The following ZFPM2 variants were observed in gnomAD, a reference collection of about 807,000 sequenced individuals.
ZFPM2 encodes the protein zinc finger protein, FOG family member 2, also known as zinc finger protein ZFPM2.
A neutral mutation model predicts 98.6 loss-of-function variants in ZFPM2; 20 were observed. The ratio of observed to expected loss-of-function variants is 0.20; its 90% confidence interval spans 0.14 to 0.29. ZFPM2 has a LOEUF of 0.29. Among genes scored for constraint, ZFPM2 ranks in the 10% least tolerant of loss-of-function variants. The pLI is 1.00. For synonymous variants in ZFPM2, 518 were observed against 502.7 expected (o/e 1.03, Z -0.41); for missense variants, 1,310 against 1,388.6 (o/e 0.94, Z 0.90).
chr8:105,486,673 G>A (rs372619180), intron 3 of ZFPM2, among the ~76,000 whole-genome samples: 1 of 152,108 alleles, frequency 6.6e-6, no homozygotes, highest in East Asian at 1.9e-4. Flanking sequence ...AATTGGGTAG[G>A]TACCTAGCAA....
chr8:105,573,279 A>G (rs998235268), intron 4 of ZFPM2, among the ~76,000 whole-genome samples: 2 of 152,198 alleles, frequency 1.3e-5, no homozygotes, highest in Non-Finnish European at 2.9e-5. Context: ...TGGGAGTGGC[A>G]TCCTATCACT....
intron 3 of ZFPM2, among the ~76,000 whole-genome samples, chr8:105,560,206 T>C (rs1431305241): frequency 3.6e-5 from 5 of 139,888 alleles, no homozygotes; most frequent in African/African-American, 1.4e-4. Flanking sequence ...ATATAAGTAC[T>C]GAATATATTC....
Position 105,802,948 on chromosome 8 carries a change from G to C in ZFPM2, c.2866G>C (p.Glu956Gln). 1.2e-6 allele frequency: 2 copies of C among 1,612,906 alleles called. No individual in the cohort carries two copies. Among genetic ancestry groups the C allele is most frequent in the East Asian group, 4.5e-5 (2 of 44,814 alleles). ...SEAAQLIATK[E>Q]ENRHLFLPQC... is the part of the protein sequence containing the mutation. ...AGCTGCTCAGCTCATTGCTACAAAAGAAGAAAACAGACATTTGTTTCTTCC... is the reference window on the plus strand; with the variant it reads ...AGCTGCTCAGCTCATTGCTACAAAACAAGAAAACAGACATTTGTTTCTTCC... The change falls in exon 8 of 8, where the codon GAA becomes CAA. Residue 956 changes from glutamate to glutamine, a missense_variant. Coordinates refer to ENST00000407775, the MANE Select transcript of ZFPM2 (RefSeq NM_012082.4).
rs528681111 is a variant in ZFPM2 at position 105,444,004 on chromosome 8, T to C, written c.200-276T>C. On this transcript the variant is annotated intron_variant, in intron 2 of 7. Coordinates refer to ENST00000407775, the MANE Select transcript of ZFPM2 (RefSeq NM_012082.4). ...ATAAACTGCAATTTCATTTTCTTCT[T>C]ATATATATTAATAACTCCAAAGGAA... 5.9e-5 allele frequency among the ~76,000 whole-genome samples: 9 copies of C among 152,290 alleles called. No homozygotes were observed. The South Asian group carries it at 1.9e-3, about 32-fold the overall frequency.
At chr8:105,446,340 T>C (rs1024858114) in intron 3 of ZFPM2, among the ~76,000 whole-genome samples, 9 of 152,184 alleles carry the variant, frequency 5.9e-5, no homozygotes, top group East Asian at 5.8e-4. Context: ...TGGCTTACTC[T>C]TATGATGGGG....
At chr8:105,717,779 A>G (rs1811559562) in intron 5 of ZFPM2, among the ~76,000 whole-genome samples, 2 of 151,902 alleles carry the variant, frequency 1.3e-5, no homozygotes, top group South Asian at 2.1e-4. Context: ...GCTGTAGCAC[A>G]CTATGTTTTC....
intron 4 of ZFPM2, among the ~76,000 whole-genome samples, chr8:105,632,790 A>G (rs779944885): frequency 6.6e-6 from 1 of 152,212 alleles, no homozygotes; most frequent in South Asian, 2.1e-4. Flanking sequence ...CATAGTTGAA[A>G]AATTAAGACT....
chr8:105,575,170 C>T (rs1251449883), intron 4 of ZFPM2, among the ~76,000 whole-genome samples: 9 of 152,064 alleles, frequency 5.9e-5, no homozygotes, highest in Non-Finnish European at 1.2e-4. Context: ...AGGAAGAGTG[C>T]GTGATGAAAG....
chr8:105,645,904 T>A (rs1395223175), intron 5 of ZFPM2, among the ~76,000 whole-genome samples: 1 of 151,546 alleles, frequency 6.6e-6, no homozygotes, highest in African/African-American at 2.4e-5. Context: ...ATAAAAAAAA[T>A]TAACTGGGCA....
chr8:105,608,744 A>G (rs919467365), intron 4 of ZFPM2, among the ~76,000 whole-genome samples: 15 of 152,106 alleles, frequency 9.9e-5, no homozygotes, highest in Admixed American at 7.9e-4. Flanking sequence ...AAATATCCTT[A>G]AAGGAACGCA....
At chr8:105,415,240 T>C (rs535003899) in intron 1 of ZFPM2, among the ~76,000 whole-genome samples, 3 of 152,236 alleles carry the variant, frequency 2.0e-5, no homozygotes, top group African/African-American at 7.2e-5. Context: ...AACAGTGTTA[T>C]GGGCCTAACA....
At chr8:105,572,421 T>C (rs1383043247) in intron 4 of ZFPM2, among the ~76,000 whole-genome samples, 2 of 152,198 alleles carry the variant, frequency 1.3e-5, no homozygotes, top group Non-Finnish European at 2.9e-5. Context: ...AGAAACTCTC[T>C]TGGAGATTAA....
intron 1 of ZFPM2, among the ~76,000 whole-genome samples, chr8:105,403,667 C>A (rs1811383283): frequency 6.6e-6 from 1 of 151,798 alleles, no homozygotes. Flanking sequence ...GTGCACTTAA[C>A]ATATACATTT....
intron 4 of ZFPM2, among the ~76,000 whole-genome samples, chr8:105,611,361 T>C (rs1311813753): frequency 2.0e-5 from 3 of 152,240 alleles, no homozygotes; most frequent in Admixed American, 6.5e-5. Flanking sequence ...CATTCATTCC[T>C]TCATATCAAT....
At chr8:105,404,197 G>T (rs145840188) in intron 1 of ZFPM2, among the ~76,000 whole-genome samples, 268 of 152,186 alleles carry the variant, frequency 1.8e-3, no homozygotes, top group African/African-American at 5.8e-3. Context: ...TCTTCTGTGT[G>T]CAGTACTTTT....
At chr8:105,748,171 G>C (rs1217813761) in intron 5 of ZFPM2, among the ~76,000 whole-genome samples, 1 of 152,008 alleles carries the variant, frequency 6.6e-6, no homozygotes, top group Non-Finnish European at 1.5e-5. Context: ...AAGTTGGAAA[G>C]GATAAAAGGC....
At chr8:105,458,654 G>A (rs999618537) in intron 3 of ZFPM2, among the ~76,000 whole-genome samples, 1 of 152,056 alleles carries the variant, frequency 6.6e-6, no homozygotes, top group Admixed American at 6.5e-5. Context: ...TTTTCAGTAT[G>A]TATTTTTAAT....
intron 4 of ZFPM2, among the ~76,000 whole-genome samples, chr8:105,591,472 T>C (rs897386759): frequency 3.9e-5 from 6 of 152,180 alleles, no homozygotes; most frequent in Non-Finnish European, 8.8e-5. Flanking sequence ...CAGCTTTTAA[T>C]CAAGACATTG....
rs2131176200 is a variant in ZFPM2 at position 105,801,172 on chromosome 8, C to T, written c.1090C>T (p.Arg364Ter). 1 of 1,613,922 alleles carries T rather than the reference C, an allele frequency of 6.2e-7. No homozygotes were observed. The highest frequency in any genetic ancestry group is 8.5e-7 in the Non-Finnish European group (1 of 1,179,874). Reference protein sequence around the residue: ...LFSHLTQAAFRCNHCHFGFQT... With the variant: ...LFSHLTQAAF Reference sequence around the variant, plus strand: ...CTCCCATCTCACTCAAGCTGCCTTCCGATGTAATCACTGCCATTTCGGCTT... The same window carrying T: ...CTCCCATCTCACTCAAGCTGCCTTCTGATGTAATCACTGCCATTTCGGCTT... Residue 364 changes from arginine to a stop codon, truncating the protein, a stop_gained, in exon 8 of 8, where the codon CGA (arginine) becomes TGA (stop). Coordinates refer to ENST00000407775, the MANE Select transcript of ZFPM2 (RefSeq NM_012082.4). LOFTEE classifies it high-confidence loss of function.
Sources: allele counts gnomAD v4.1 joint callset (sites outside exome capture counted in the v4.1 genomes callset), GRCh38; gene constraint gnomAD v4.1.1; transcripts MANE v1.5; gene names NCBI Gene and HGNC (gene_info 2026-07-23, HGNC 2026-07-21).